Variants in XYLT1 observed in about 807,000 individuals in gnomAD.
XYLT1 encodes xylosyltransferase 1, also known as beta-D-xylosyltransferase 1.
Under a neutral mutation model 91.3 loss-of-function variants are expected in XYLT1, and 36 were observed. The observed-to-expected ratio is 0.39, with a 90% CI of 0.30 to 0.52. The LOEUF is 0.52. Ranked by LOEUF, XYLT1 falls within the 20% of genes least tolerant of loss-of-function variation. The pLI is 0.68. For missense variants in XYLT1, 1,242 were observed against 1,284.5 expected, an observed-to-expected ratio of 0.97 and a Z score of 0.51; for synonymous variants, 588 against 532.0, an observed-to-expected ratio of 1.11 and a Z score of -1.45.
At chr16:17,451,143 A>G (rs1007409625) in intron 1 of XYLT1, among the ~76,000 whole-genome samples, 2 of 152,114 alleles carry the variant, frequency 1.3e-5, no homozygotes, top group African/African-American at 4.8e-5. Flanking sequence ...AAATCTTGCA[A>G]TTTCTAAACC....
chr16:17,315,999 G>T (rs1469089803), intron 2 of XYLT1, among the ~76,000 whole-genome samples: 2 of 152,104 alleles, frequency 1.3e-5, no homozygotes, highest in South Asian at 4.2e-4. Context: ...AATTGCAGCC[G>T]CACCTGGGTC....
At chr16:17,248,953 C>T (rs2033490908) in intron 3 of XYLT1, among the ~76,000 whole-genome samples, 1 of 151,942 alleles carries the variant, frequency 6.6e-6, no homozygotes, top group Non-Finnish European at 1.5e-5. Context: ...TATCAAACTC[C>T]TGACCTCAAG....
rs1157952692 is a variant in XYLT1, at chr16:17,172,466, CTT to C, written c.1290-13559_1290-13558del. On this transcript the variant is annotated intron_variant, in intron 5 of 11. Coordinates refer to ENST00000261381, the MANE Select transcript of XYLT1 (RefSeq NM_022166.4). ...TATGTGCCAAAGACTGCGTTCATTT[CTT>C]TTTTTTTTTTTTTTTTTTTTGAGAC... 3.0e-3 allele frequency among the ~76,000 whole-genome samples: 305 copies of C among 102,612 alleles called. 2 individuals carry two copies. The highest frequency in any genetic ancestry group is 0.01 in the African/African-American group (278 of 26,560). 67.3% of individuals were successfully genotyped at this position (102,612 alleles called of 152,430 possible).
intron 1 of XYLT1, among the ~76,000 whole-genome samples, chr16:17,391,344 T>C (rs1392917413): frequency 3.3e-5 from 5 of 152,300 alleles, no homozygotes; most frequent in African/African-American, 1.2e-4. Context: ...CCCACCCCTG[T>C]GATTGCATCC....
chr16:17,154,689 A>G (rs756439796), intron 6 of XYLT1, among the ~76,000 whole-genome samples: 61 of 152,036 alleles, frequency 4.0e-4, no homozygotes, highest in Admixed American at 9.8e-4. Flanking sequence ...AGTGAACACA[A>G]CCCTCCCCTT....
At chr16:17,426,378 G>T (rs1254931297) in intron 1 of XYLT1, among the ~76,000 whole-genome samples, 3 of 152,048 alleles carry the variant, frequency 2.0e-5, no homozygotes, top group Non-Finnish European at 4.4e-5. Flanking sequence ...TGGCCAACAT[G>T]GTGACACCCT....
At chr16:17,381,585 C>T (rs533145197) in intron 1 of XYLT1, among the ~76,000 whole-genome samples, 95 of 151,960 alleles carry the variant, frequency 6.3e-4, no homozygotes, top group African/African-American at 2.1e-3. Context: ...CACCACCATG[C>T]CTGGCTAATT....
At chr16:17,302,900 G>C (rs1567364693) in intron 2 of XYLT1, among the ~76,000 whole-genome samples, 1 of 152,038 alleles carries the variant, frequency 6.6e-6, no homozygotes, top group African/African-American at 2.4e-5. Flanking sequence ...ATGGGTGAGG[G>C]GGAGAGAAAA....
intron 5 of XYLT1, among the ~76,000 whole-genome samples, chr16:17,168,544 T>C (rs1220899079): frequency 6.6e-6 from 1 of 151,814 alleles, no homozygotes; most frequent in Non-Finnish European, 1.5e-5. Context: ...CATCACACAA[T>C]ATACCCCTGG....
chr16:17,259,595 CG>C (rs2033692245), intron 2 of XYLT1, 97 bp from the exon 3 acceptor site: 1 of 1,431,804 alleles, frequency 7.0e-7, no homozygotes, highest in Admixed American at 2.1e-5. Flanking sequence ...ACTTGGAAGC[CG>C]GGGCCATAGT....
intron 1 of XYLT1, among the ~76,000 whole-genome samples, chr16:17,460,595 G>A (rs2036806175): frequency 6.6e-6 from 1 of 152,174 alleles, no homozygotes. Context: ...ACAGCCAAGA[G>A]GGGCCAGCCA....
chr16:17,261,386 T>C (rs2033720387), intron 2 of XYLT1, among the ~76,000 whole-genome samples: 1 of 152,182 alleles, frequency 6.6e-6, no homozygotes, highest in Non-Finnish European at 1.5e-5. Flanking sequence ...GCTATGACTT[T>C]CATTTTGCAG....
intron 5 of XYLT1, among the ~76,000 whole-genome samples, chr16:17,197,045 TTCAGA>T (rs1329795761): frequency 8.8e-6 from 1 of 114,184 alleles, no homozygotes; most frequent in African/African-American, 3.8e-5. Context: ...ATATATACCG[TTCAGA>T]ATATCATTCA....
intron 9 of XYLT1, among the ~76,000 whole-genome samples, chr16:17,132,357 G>A (rs1336671343): frequency 6.7e-6 from 1 of 148,440 alleles, no homozygotes; most frequent in Non-Finnish European, 1.5e-5. Flanking sequence ...GGTGGTCCTT[G>A]GATGGCTTTG....
At position 17,220,807 on chromosome 16, in the gene XYLT1, T is replaced by C. The variant is rs532118678; in HGVS notation, c.914-20153A>G. Among the ~76,000 whole-genome samples the C allele has an allele frequency of 1.1e-4, 16 of 152,352 alleles. No individual in the cohort carries two copies. The South Asian group carries it at 3.3e-3, about 32-fold the overall frequency. On this transcript the variant is annotated intron_variant, in intron 3 of 11. Coordinates refer to ENST00000261381, the MANE Select transcript of XYLT1 (RefSeq NM_022166.4). ...TTCTGATGCTCTTCCTGGGCTTGTT[T>C]GCCTGGGCAGATAAAATCATTTGCT...
chr16:17,383,399 G>T (rs949633407), intron 1 of XYLT1, among the ~76,000 whole-genome samples: 1 of 151,708 alleles, frequency 6.6e-6, no homozygotes, highest in Non-Finnish European at 1.5e-5. Flanking sequence ...CTGCCACCAC[G>T]ACTCTATCCT....
intron 3 of XYLT1, among the ~76,000 whole-genome samples, chr16:17,231,317 G>C (rs938916814): frequency 2.6e-5 from 4 of 152,176 alleles, no homozygotes; most frequent in African/African-American, 9.7e-5. Flanking sequence ...ATGTTCTAGA[G>C]TGTCCTAAGC....
At chr16:17,261,673 G>A (rs1268653577) in intron 2 of XYLT1, among the ~76,000 whole-genome samples, 1 of 152,182 alleles carries the variant, frequency 6.6e-6, no homozygotes, top group Non-Finnish European at 1.5e-5. Flanking sequence ...TCTTCAGGCT[G>A]GCTAGTGGCC....
chr16:17,394,861 C>T (rs1368746746), intron 1 of XYLT1, among the ~76,000 whole-genome samples: 1 of 152,154 alleles, frequency 6.6e-6, no homozygotes, highest in Non-Finnish European at 1.5e-5. Context: ...TAGCTCATGC[C>T]TGTAATCTCA....
Sources: gnomAD v4.1 joint callset for allele counts (sites outside exome capture counted in the v4.1 genomes callset) on GRCh38, gnomAD v4.1.1 for gene constraint, MANE v1.5 for transcripts, NCBI Gene and HGNC (gene_info 2026-07-23, HGNC 2026-07-21) for gene names.